LHFPL3: variants seen among roughly 807,000 people sequenced by gnomAD.
LHFPL3 encodes the protein LHFPL tetraspan subfamily member 3 protein.
In LHFPL3, 5 loss-of-function variants were observed where a neutral mutation model predicts 19.3. The observed-to-expected ratio is 0.26, with a 90% CI of 0.14 to 0.54. The LOEUF is 0.54. LHFPL3 is among the 20% of genes least tolerant of loss of function. LHFPL3 has a pLI of 0.94. For missense variants in LHFPL3, 249 were observed against 307.4 expected, an observed-to-expected ratio of 0.81 and a Z score of 1.42; for synonymous variants, 133 against 126.2, an observed-to-expected ratio of 1.05 and a Z score of -0.36.
At chr7:104,669,138 A>G in intron 1 of LHFPL3, 1 of 1,613,236 alleles carries the variant, frequency 6.2e-7, no homozygotes, top group Non-Finnish European at 8.5e-7. Context: ...AACCTCCCAA[A>G]CCTGATCAGC....
At chr7:104,588,192 A>G (rs1246776795) in intron 1 of LHFPL3, among the ~76,000 whole-genome samples, 1 of 152,152 alleles carries the variant, frequency 6.6e-6, no homozygotes. Flanking sequence ...GTCCTTGCCC[A>G]TGCCTATGTC....
chr7:104,339,077 G>A (rs937571412), intron 1 of LHFPL3, among the ~76,000 whole-genome samples: 31 of 152,002 alleles, frequency 2.0e-4, no homozygotes, highest in Non-Finnish European at 3.2e-4. Flanking sequence ...GTGAAACCCC[G>A]TCTCTACTAA....
At chr7:104,476,093 G>A (rs1488409544) in intron 1 of LHFPL3, among the ~76,000 whole-genome samples, 1 of 152,148 alleles carries the variant, frequency 6.6e-6, no homozygotes, top group Non-Finnish European at 1.5e-5. Context: ...ATTAAATGCT[G>A]TCCGAAGCAT....
chr7:104,793,489 A>C (rs1218618044), intron 2 of LHFPL3, among the ~76,000 whole-genome samples: 1 of 152,202 alleles, frequency 6.6e-6, no homozygotes, highest in East Asian at 1.9e-4. Context: ...AGTGGTAAAA[A>C]AGCAATATTG....
At chr7:104,555,596 C>T (rs1794749246) in intron 1 of LHFPL3, among the ~76,000 whole-genome samples, 1 of 152,218 alleles carries the variant, frequency 6.6e-6, no homozygotes, top group Non-Finnish European at 1.5e-5. Context: ...CCTCCCACAA[C>T]ATGTGAGAAT....
rs1017452935 is a variant in LHFPL3 at position 104,332,264 on chromosome 7, C to G, written c.445+3040C>G. 2.4e-5 allele frequency among the ~76,000 whole-genome samples: 3 copies of G among 126,048 alleles called. No homozygotes were observed. In the East Asian group the frequency reaches 7.4e-4, roughly 31 times the overall value. 82.7% of individuals were successfully genotyped at this position (126,048 alleles called of 152,430 possible). ...TTTTTTTTTGAGATGGAGTCTCGCT[C>G]TGTCACCCAGGCTGGAGTGCAGTGG... On this transcript the variant is annotated intron_variant, in intron 1 of 2. Coordinates refer to ENST00000424859, the MANE Select transcript of LHFPL3 (RefSeq NM_199000.3).
intron 2 of LHFPL3, among the ~76,000 whole-genome samples, chr7:104,737,137 A>G (rs193149122): frequency 1.8e-5 from 2 of 112,992 alleles, no homozygotes; most frequent in Non-Finnish European, 3.6e-5. Flanking sequence ...TTAGTCCATT[A>G]TTATTATTTT....
chr7:104,667,576 T>C (rs1349485608), intron 1 of LHFPL3, among the ~76,000 whole-genome samples: 1 of 152,210 alleles, frequency 6.6e-6, no homozygotes, highest in East Asian at 1.9e-4. Flanking sequence ...AAAGCCTCCA[T>C]AGCTGGATCC....
intron 1 of LHFPL3, among the ~76,000 whole-genome samples, chr7:104,611,902 C>T (rs1358312703): frequency 1.3e-5 from 2 of 152,166 alleles, no homozygotes; most frequent in African/African-American, 4.8e-5. Context: ...TCCTTATACA[C>T]TTCACACTGG....
At chr7:104,695,141 G>A (rs945027008) in intron 1 of LHFPL3, among the ~76,000 whole-genome samples, 2 of 151,974 alleles carry the variant, frequency 1.3e-5, no homozygotes, top group Admixed American at 6.6e-5. Flanking sequence ...TTTAAGACAG[G>A]TCTTGCTCTG....
intron 1 of LHFPL3, among the ~76,000 whole-genome samples, chr7:104,558,449 A>C (rs1789907375): frequency 6.6e-6 from 1 of 151,820 alleles, no homozygotes; most frequent in African/African-American, 2.4e-5. Context: ...GCATTTTTTC[A>C]TGTGTTTTTT....
intron 1 of LHFPL3, among the ~76,000 whole-genome samples, chr7:104,591,251 C>G (rs1209564699): frequency 2.6e-5 from 4 of 152,182 alleles, no homozygotes; most frequent in Non-Finnish European, 4.4e-5. Flanking sequence ...GTGGCTGGGA[C>G]CAGTTGTTCC....
chr7:104,366,391 T>G (rs1363697292), intron 1 of LHFPL3, among the ~76,000 whole-genome samples: 1 of 152,226 alleles, frequency 6.6e-6, no homozygotes, highest in Non-Finnish European at 1.5e-5. Flanking sequence ...TAGCATGTTG[T>G]CAGGCACATA....
chr7:104,497,325 A>G (rs1006638064), intron 1 of LHFPL3, among the ~76,000 whole-genome samples: 41 of 151,946 alleles, frequency 2.7e-4, no homozygotes, highest in South Asian at 4.2e-4. Flanking sequence ...AAAAAAAAAA[A>G]AAGAAGAAGA....
At chr7:104,795,500 TG>T (rs1790107013) in intron 2 of LHFPL3, among the ~76,000 whole-genome samples, 1 of 152,200 alleles carries the variant, frequency 6.6e-6, no homozygotes, top group South Asian at 2.1e-4. Flanking sequence ...AAGCTTTGCA[TG>T]ACTTGAAAAA....
At chr7:104,358,182 C>T (rs1272052458) in intron 1 of LHFPL3, among the ~76,000 whole-genome samples, 1 of 152,088 alleles carries the variant, frequency 6.6e-6, no homozygotes, top group African/African-American at 2.4e-5. Context: ...CTGCTGAGTG[C>T]GTATGAGGTT....
chr7:104,555,816 T>A (rs2115924642), intron 1 of LHFPL3, among the ~76,000 whole-genome samples: 1 of 152,334 alleles, frequency 6.6e-6, no homozygotes, highest in Middle Eastern at 3.4e-3. Context: ...CTTCCACCTA[T>A]GAGCCTGTAA....
At chr7:104,617,674 C>T (rs1791372393) in intron 1 of LHFPL3, among the ~76,000 whole-genome samples, 1 of 152,194 alleles carries the variant, frequency 6.6e-6, no homozygotes. Flanking sequence ...CATACTTTCC[C>T]TTTCCATCTG....
In LHFPL3 at chr7:104,708,172, G is replaced by A. The variant is rs141427715; in HGVS notation, c.446-28503G>A. ...GAGCAAGGTCTTTGCCAACTTTCGC[G>A]GTCCATAGATCACTTTGGGTTTCTA... On this transcript the variant is annotated intron_variant, in intron 1 of 2. Coordinates refer to ENST00000424859, the MANE Select transcript of LHFPL3 (RefSeq NM_199000.3). Among the ~76,000 whole-genome samples the A allele has an allele frequency of 3.7e-3, 559 of 152,246 alleles. 3 individuals are homozygous for A. Among genetic ancestry groups the A allele is most frequent in the African/African-American group, 0.013 (531 of 41,552 alleles).
Sources: gnomAD v4.1 joint callset for allele counts (sites outside exome capture counted in the v4.1 genomes callset) on GRCh38, gnomAD v4.1.1 for gene constraint, MANE v1.5 for transcripts, NCBI Gene and HGNC (gene_info 2026-07-23, HGNC 2026-07-21) for gene names.